The following POLG variants were observed in gnomAD, a reference collection of about 807,000 sequenced individuals.
The protein encoded by POLG is DNA polymerase gamma, catalytic subunit.
POLG carries 110 observed loss-of-function variants against 155.4 expected under a neutral mutation model. That is an observed-to-expected ratio of 0.71 (90% CI 0.61 to 0.83). POLG has a LOEUF of 0.83. POLG is among the 40% of genes least tolerant of loss of function. The pLI, the probability that POLG is intolerant of heterozygous loss-of-function variation, is 0.00. For missense variants in POLG, 1,685 were observed against 1,627.5 expected, an observed-to-expected ratio of 1.04 and a Z score of -0.61; for synonymous variants, 701 against 631.5, an observed-to-expected ratio of 1.11 and a Z score of -1.65.
rs2055649497 is a variant in POLG at position 89,334,723 on chromosome 15, A to T, written c.-210T>A. On this transcript the variant is annotated 5_prime_UTR_variant, in exon 1 of 23. Coordinates refer to ENST00000268124, the MANE Select transcript of POLG (RefSeq NM_002693.3). The stretch of plus-strand genomic sequence containing the variant: ...CTGCTGCTCCCCCGACCCCAGGCCC[A>T]CGGCACGGCGTCCCCCTTCGCGCGG... The T allele has an allele frequency of 6.6e-6, 1 of 152,294 alleles. No individual in the cohort carries two copies. Among genetic ancestry groups the T allele is most frequent in the Non-Finnish European group, 1.5e-5 (1 of 68,090 alleles). The allele number at this position is 152,294 out of a possible 1,614,324, so 9.4% of individuals were successfully genotyped here. A position where few individuals can be genotyped will look rare whatever the true frequency, so the allele number is the denominator to read the frequency against.
Position 89,320,749 on chromosome 15 carries a change from G to A in POLG, c.2981+17C>T, listed in dbSNP as rs1172172601. The A allele has an allele frequency of 2.5e-6, 4 of 1,611,770 alleles. No individual in the cohort carries two copies. Among genetic ancestry groups the A allele is most frequent in the South Asian group, 1.1e-5 (1 of 90,958 alleles). On this transcript the variant is annotated intron_variant, in intron 18 of 22. Coordinates refer to ENST00000268124, the MANE Select transcript of POLG (RefSeq NM_002693.3). ...TCGGGTCCTGGGTGTTAAAGTGGAT[G>A]GGAGAGGGACCCTCACCAGCGGAGG...
Position 89,333,342 on chromosome 15 carries a change from T to G in POLG, c.413A>C (p.His138Pro), listed in dbSNP as rs766932926. 1.9e-6 allele frequency: 3 copies of G among 1,565,116 alleles called. No individual in the cohort carries two copies. In the South Asian group the frequency reaches 3.5e-5, roughly 18 times the overall value. Residue 138 changes from histidine to proline, a missense_variant, in exon 2 of 23, where the codon CAC (histidine) becomes CCC (proline). Transcript: ENST00000268124. ...CTGCTTCTGGGCCAGGAGGCGGAAG[T>G]GCTGGTCCAGGTTGTCCCCGTAGAG... ...PPLYGDNLDQ[H>P]FRLLAQKQSL...
intron 21 of POLG, chr15:89,318,049 T>A: frequency 3.7e-6 from 1 of 270,792 alleles, no homozygotes. Context: ...TACAAGAAAA[T>A]ACAACTCAAT....
chr15:89,325,702 AAGAC>A lies in POLG; in HGVS notation c.1713-20_1713-17del. 1 of 1,570,516 alleles carries A rather than the reference AAGAC, an allele frequency of 6.4e-7. No individual in the cohort carries two copies. Among genetic ancestry groups the A allele is most frequent in the Non-Finnish European group, 8.7e-7 (1 of 1,150,180 alleles). ...CCGGTACCATCTACGTCCCAGCAGGAAGACAGCAGTGTCACGATGGTAAGGGCAG... is the reference window on the plus strand; with the variant it reads ...CCGGTACCATCTACGTCCCAGCAGGAAGCAGTGTCACGATGGTAAGGGCAG... On this transcript the variant is annotated splice_polypyrimidine_tract_variant and intron_variant, in intron 9 of 22. Coordinates refer to ENST00000268124, the MANE Select transcript of POLG (RefSeq NM_002693.3).
chr15:89,322,731 T>C lies in POLG; in HGVS notation c.2426+11A>G. On this transcript the variant is annotated intron_variant, in intron 14 of 22. Transcript: ENST00000268124. ...GAAAGGCATCCCAGGACTCCTCCCA[T>C]GGTGGCCCACCTGATACGTTTATGG... 6.2e-7 allele frequency: 1 copy of C among 1,613,678 alleles called. No individual in the cohort carries two copies. The highest frequency in any genetic ancestry group is 1.3e-5 in the African/African-American group (1 of 75,052).
Position 89,333,267 on chromosome 15 carries a change from G to A in POLG, c.488C>T (p.Pro163Leu), listed in dbSNP as rs752892262. 15 of 1,561,464 alleles carry A rather than the reference G, an allele frequency of 9.6e-6. No individual in the cohort carries two copies. Among genetic ancestry groups the A allele is most frequent in the Non-Finnish European group, 1.3e-5 (15 of 1,152,084 alleles). ...AANLLLQAQL[P>L]PKPPAWAWAE... ...CCAGGCCCAAGCCGGGGGCTTCGGGGGCAGCTGGGCCTGCAACAGCAAGTT... is the reference window on the plus strand; with the variant it reads ...CCAGGCCCAAGCCGGGGGCTTCGGGAGCAGCTGGGCCTGCAACAGCAAGTT... Residue 163 changes from proline to leucine, a missense_variant, in exon 2 of 23, where the codon CCC becomes CTC. Physicochemically the swap from Pro to Leu is moderately conservative, Grantham distance 98. This residue lies in a region of POLG where 1,210 missense variants were observed against 1,167.1 expected (regional missense o/e 1.04). Transcript: ENST00000268124.
chr15:89,322,815 C>T lies in POLG; in HGVS notation c.2353G>A (p.Gly785Ser), dbSNP rs772867820. 4 of 1,614,134 alleles carry T rather than the reference C, an allele frequency of 2.5e-6. No homozygotes were observed. Among genetic ancestry groups the T allele is most frequent in the South Asian group, 1.1e-5 (1 of 91,086 alleles). ...EDGTLQAGPG[G>S]ASGPRALEIN... ...TCCAGAGCACGGGGCCCACTGGCAC[C>T]TCCTGGGCCAGCCTGCAGGGTGCCA... is the stretch of plus-strand genomic sequence containing the variant. Residue 785 changes from glycine to serine, a missense_variant, in exon 14 of 23, where the codon GGT becomes AGT. Gly to Ser is a moderately conservative substitution (Grantham distance 56). Around this residue, in one of 3 missense-constraint regions of POLG, gnomAD observed 1,210 missense variants for 1,167.1 expected, o/e 1.04. Transcript: ENST00000268124.
Position 89,324,157 on chromosome 15 carries a change from C to T in POLG, c.2020G>A (p.Gly674Ser), listed in dbSNP as rs538978071. ...GTGAGCAGGAACTCCTCCGCCAGGC[C>T]GGCCTCCTGGGGCATCAGCTGCTGC... is the stretch of plus-strand genomic sequence containing the variant. Reference protein sequence around the residue: ...GKQQLMPQEAGLAEEFLLTDN... With the variant: ...GKQQLMPQEASLAEEFLLTDN... Residue 674 changes from glycine (G) to serine (S), a missense_variant, in exon 11 of 23, where the codon GGC becomes AGC. By Grantham distance (56) the Gly-to-Ser change is moderately conservative. This residue lies in a region of POLG where 1,210 missense variants were observed against 1,167.1 expected (regional missense o/e 1.04). Coordinates refer to ENST00000268124, the MANE Select transcript of POLG (RefSeq NM_002693.3). 16 of 1,613,984 alleles carry T rather than the reference C, an allele frequency of 9.9e-6. No individual in the cohort carries two copies. The highest frequency in any genetic ancestry group is 1.7e-4 in the Middle Eastern group (1 of 6,060).
chr15:89,318,543 G>A lies in POLG; in HGVS notation c.3480C>T (p.Thr1160=), dbSNP rs1057521589. 6.2e-6 allele frequency: 10 copies of A among 1,612,852 alleles called. No homozygotes were observed. Among genetic ancestry groups the A allele is most frequent in the South Asian group, 2.2e-5 (2 of 91,018 alleles). The change falls in exon 21 of 23, where the codon ACC becomes ACT. Residue 1160 remains threonine (T), a splice_region_variant and synonymous_variant. Transcript: ENST00000268124. ...ALALQITNLL[T]RCMFAYKLGL... Reference sequence around the variant, plus strand: ...TAGAGGCCATGGGCCCCGCATACCTGGTCAAGAGGTTGGTGATCTGCAAGG... The same window carrying A: ...TAGAGGCCATGGGCCCCGCATACCTAGTCAAGAGGTTGGTGATCTGCAAGG...
rs2055634001 is a variant in POLG at position 89,333,844 on chromosome 15, G to A, written c.-90C>T. ...TTTTACTGGCTGGAAGACGTGGAGA[G>A]AGACACGTCCTGTCTCTGCTCTCCT... On this transcript the variant is annotated 5_prime_UTR_variant, in exon 2 of 23. Transcript: ENST00000268124. The A allele has an allele frequency of 1.4e-6, 2 of 1,434,848 alleles. No individual in the cohort carries two copies. The highest frequency in any genetic ancestry group is 1.9e-6 in the Non-Finnish European group (2 of 1,056,160). 88.9% of individuals were successfully genotyped at this position (1,434,848 alleles called of 1,614,324 possible).
Position 89,330,231 on chromosome 15 carries a change from C to T in POLG, c.705G>A (p.Trp235Ter), listed in dbSNP as rs1567192879. 2 of 1,613,190 alleles carry T rather than the reference C, an allele frequency of 1.2e-6. No homozygotes were observed. Among genetic ancestry groups the T allele is most frequent in the Non-Finnish European group, 1.7e-6 (2 of 1,180,020 alleles). The stretch of plus-strand genomic sequence containing the variant: ...GGTCAGCCGGCGACAGCTGGCTGGT[C>T]CAAGAGTAACGCTCTTCCACCAGCC... ...SQRLVEERYSWTSQLSPADLI... is the reference protein window; with the variant it reads ...SQRLVEERYS The change falls in exon 3 of 23, where the codon TGG (tryptophan) becomes TGA (stop). Residue 235 changes from tryptophan to a stop codon, truncating the protein, a stop_gained. Coordinates refer to ENST00000268124, the MANE Select transcript of POLG (RefSeq NM_002693.3). LOFTEE classifies it high-confidence loss of function.
chr15:89,326,584 T>C (rs921364044), intron 9 of POLG, 28 bp downstream of exon 9: 1 of 1,611,918 alleles, frequency 6.2e-7, no homozygotes, highest in African/African-American at 1.3e-5. Context: ...AGACTCTAGA[T>C]ACACTGCTGG....
chr15:89,316,855 T>TG, intron 22 of POLG, 28 bp from the exon 23 acceptor site: 1 of 1,535,044 alleles, frequency 6.5e-7, no homozygotes. Context: ...TTGGTTAGGA[T>TG]GCCACCTCAA....
rs2307454 is a variant in POLG, at chr15:89,317,328, T to C, written c.3643+48A>G. 3,170 of 1,590,846 alleles carry C rather than the reference T, an allele frequency of 2.0e-3. 49 individuals are homozygous for C. The African/African-American group carries it at 0.038, about 19-fold the overall frequency. ...CTGTTCTCCAAGACCCACTTTCTAGTCCACCTCAGATCCTATGTGTAATGA... is the reference window on the plus strand; with the variant it reads ...CTGTTCTCCAAGACCCACTTTCTAGCCCACCTCAGATCCTATGTGTAATGA... On this transcript the variant is annotated intron_variant, in intron 22 of 22. Transcript: ENST00000268124.
rs757852278 is a variant in POLG at position 89,321,864 on chromosome 15, G to T, written c.2481-11C>A. On this transcript the variant is annotated splice_polypyrimidine_tract_variant and intron_variant, in intron 15 of 22. Coordinates refer to ENST00000268124, the MANE Select transcript of POLG (RefSeq NM_002693.3). ...TCATAGTCGGGGTGCCTGGTGGGGTGCAGGGGAAGGAAATGGGTCTTAGCA... is the reference window on the plus strand; with the variant it reads ...TCATAGTCGGGGTGCCTGGTGGGGTTCAGGGGAAGGAAATGGGTCTTAGCA... 6.2e-7 allele frequency: 1 copy of T among 1,610,634 alleles called. No homozygotes were observed. The highest frequency in any genetic ancestry group is 8.5e-7 in the Non-Finnish European group (1 of 1,176,930).
Position 89,333,736 on chromosome 15 carries a change from T to A in POLG, c.19A>T (p.Arg7Trp). The A allele has an allele frequency of 6.5e-7, 1 of 1,535,470 alleles. No homozygotes were observed. Among genetic ancestry groups the A allele is most frequent in the Non-Finnish European group, 8.7e-7 (1 of 1,146,568 alleles). MSRLLW[R>W]KVAGATVGPG... is the part of the protein sequence containing the mutation. The stretch of plus-strand genomic sequence containing the variant: ...CCGACGGTGGCGCCGGCCACCTTCC[T>A]CCAGAGCAGGCGGCTCATGGTTGGT... The change falls in exon 2 of 23, where the codon AGG (arginine) becomes TGG (tryptophan). Residue 7 changes from arginine (R) to tryptophan (W), a missense_variant. Physicochemically the swap from Arg to Trp is moderately radical, Grantham distance 101. Around this residue, in one of 3 missense-constraint regions of POLG, gnomAD observed 1,210 missense variants for 1,167.1 expected, o/e 1.04. Coordinates refer to ENST00000268124, the MANE Select transcript of POLG (RefSeq NM_002693.3).
chr15:89,327,201 C>A lies in POLG; in HGVS notation c.1399G>T (p.Ala467Ser). 6.2e-7 allele frequency: 1 copy of A among 1,614,256 alleles called. No individual in the cohort carries two copies. Among genetic ancestry groups the A allele is most frequent in the Non-Finnish European group, 8.5e-7 (1 of 1,180,050 alleles). Residue 467 changes from alanine (A) to serine (S), a missense_variant, in exon 7 of 23, where the codon GCC (alanine) becomes TCC (serine). Transcript: ENST00000268124. ...GAGAGCAGCTGGCAGGCATCATTGG[C>A]CAGATCCATCAACGACTTCTTCATC... ...REMKKSLMDL[A>S]NDACQLLSGE... is the part of the protein sequence containing the mutation.
In POLG at chr15:89,330,417, C is replaced by G. The variant is rs2055579126; in HGVS notation, c.660-141G>C. 5.5e-6 allele frequency: 4 copies of G among 723,290 alleles called. No homozygotes were observed. The Admixed American group carries it at 6.0e-5, about 11-fold the overall frequency. 44.8% of individuals were successfully genotyped at this position (723,290 alleles called of 1,614,324 possible). A position where few individuals can be genotyped will look rare whatever the true frequency, so the allele number is the denominator to read the frequency against. On this transcript the variant is annotated intron_variant, in intron 2 of 22. Transcript: ENST00000268124. The stretch of plus-strand genomic sequence containing the variant: ...AAGTGAGACCAAAGGGTGCTCCTAA[C>G]TCAAACAGCTACAGGTCAGGTGTGG...
rs1196623533 is a variant in POLG at position 89,325,041 on chromosome 15, T to TGAGTGAGTGAGTGAGA, written c.1949+393_1949+408dup. The stretch of plus-strand genomic sequence containing the variant: ...GAAGAAAAAACCTGAACCCAGAGAG[T>TGAGTGAGTGAGTGAGA]GAGTGAGTGAGTGAGAGAGTGAGTG... On this transcript the variant is annotated intron_variant, in intron 10 of 22. Transcript: ENST00000268124. Among the ~76,000 whole-genome samples, 9 of 52,026 alleles carry TGAGTGAGTGAGTGAGA rather than the reference T, an allele frequency of 1.7e-4. 1 individual carries two copies. In the East Asian group the frequency reaches 2.4e-3, roughly 14 times the overall value. The allele number at this position is 52,026 out of a possible 152,430, so 34.1% of individuals were successfully genotyped here. A position where few individuals can be genotyped will look rare whatever the true frequency, so the allele number is the denominator to read the frequency against.
Sources: allele counts gnomAD v4.1 joint callset (sites outside exome capture counted in the v4.1 genomes callset), GRCh38; gene constraint gnomAD v4.1.1; regional missense constraint gnomAD v4.1.1; transcripts MANE v1.5; gene names NCBI Gene and HGNC (gene_info 2026-07-23, HGNC 2026-07-21).